The following FGF10 variants were observed in gnomAD, a reference collection of about 807,000 sequenced individuals.
FGF10 encodes fibroblast growth factor 10, also known as FGF-10.
Under a neutral mutation model 19.8 loss-of-function variants are expected in FGF10, and 2 were observed. The observed-to-expected ratio is 0.10, with a 90% confidence interval of 0.04 to 0.32. The LOEUF (loss-of-function observed/expected upper bound fraction) is 0.32, where lower values mean the gene tolerates loss of function less well. Ranked by LOEUF, FGF10 falls within the 10% of genes least tolerant of loss-of-function variation. The probability of loss-of-function intolerance (pLI) is 1.00; values close to 1 mark genes in which losing one functional copy is unlikely to be tolerated. For synonymous variants in FGF10, 112 were observed against 94.0 expected, an observed-to-expected ratio of 1.19 and a Z score of -1.10; for missense variants, 191 against 246.3, an observed-to-expected ratio of 0.78 and a Z score of 1.50.
At chr5:44,367,149 G>A (rs929974995) in intron 1 of FGF10, among the ~76,000 whole-genome samples, 1 of 151,932 alleles carries the variant, frequency 6.6e-6, no homozygotes, top group South Asian at 2.1e-4. Flanking sequence ...CACTATAAAA[G>A]TATTTTTTAA....
At chr5:44,355,786 C>G in intron 1 of FGF10, among the ~76,000 whole-genome samples, 1 of 151,358 alleles carries the variant, frequency 6.6e-6, no homozygotes, top group Non-Finnish European at 1.5e-5. Context: ...TTTAAAGCGT[C>G]ATGATTCAGT....
At chr5:44,388,326 T>C (rs1742156552) in intron 1 of FGF10, 32 bp downstream of exon 1, 4 of 1,601,910 alleles carry the variant, frequency 2.5e-6, no homozygotes, top group Non-Finnish European at 3.4e-6. Context: ...GGTGGATAAT[T>C]GGAAGGAGGG....
At chr5:44,363,321 A>G (rs1421559946) in intron 1 of FGF10, among the ~76,000 whole-genome samples, 1 of 151,836 alleles carries the variant, frequency 6.6e-6, no homozygotes, top group Non-Finnish European at 1.5e-5. Context: ...CTAATTGTGA[A>G]TGACACCTGG....
intron 1 of FGF10, among the ~76,000 whole-genome samples, chr5:44,372,056 G>T (rs534171785): frequency 7.6e-4 from 116 of 152,224 alleles, no homozygotes; most frequent in African/African-American, 2.8e-3. Flanking sequence ...TTACTACAAA[G>T]TTGATGGCTT....
Position 44,311,672 on chromosome 5 carries a change from GTAGTTTT to G in FGF10, c.326-1149_326-1143del, listed in dbSNP as rs560519143. On this transcript the variant is annotated intron_variant, in intron 1 of 2. Transcript: ENST00000264664. ...GTATCTTCTTAATTATCATCAGAGG[GTAGTTTT>G]TCTCCAACAGTGCTAGATTTTGGAA... Among the ~76,000 whole-genome samples, 463 of 152,196 alleles carry G rather than the reference GTAGTTTT, an allele frequency of 3.0e-3. 1 individual carries two copies. The highest frequency in any genetic ancestry group is 5.4e-3 in the Non-Finnish European group (366 of 68,004).
At chr5:44,369,462 C>T (rs1741696138) in intron 1 of FGF10, among the ~76,000 whole-genome samples, 1 of 152,102 alleles carries the variant, frequency 6.6e-6, no homozygotes, top group Admixed American at 6.5e-5. Flanking sequence ...GCATAAATTC[C>T]TGTGGCTTAA....
rs1308211947 is a variant in FGF10 at position 44,349,453 on chromosome 5, T to TCAGA, written c.325+38904_325+38905insTCTG. 6.4e-3 allele frequency among the ~76,000 whole-genome samples: 147 copies of TCAGA among 23,066 alleles called. 3 individuals carry two copies. Among genetic ancestry groups the TCAGA allele is most frequent in the Middle Eastern group, 0.029 (1 of 34 alleles). The allele number at this position is 23,066 out of a possible 152,430, so 15.1% of individuals were successfully genotyped here. A position where few individuals can be genotyped will look rare whatever the true frequency, so the allele number is the denominator to read the frequency against. Reference sequence around the variant, plus strand: ...ATATATATATATATATATATATATATATATATATATATATATCAGAATATA... The same window carrying TCAGA: ...ATATATATATATATATATATATATATCAGAATATATATATATATATCAGAATATA... On this transcript the variant is annotated intron_variant, in intron 1 of 2. Transcript: ENST00000264664.
intron 2 of FGF10, among the ~76,000 whole-genome samples, chr5:44,307,409 A>C (rs187330102): frequency 5.4e-4 from 83 of 152,300 alleles, no homozygotes; most frequent in Admixed American, 4.5e-3. Context: ...TCCTTAAATC[A>C]TGCTCTATGA....
At chr5:44,367,846 T>G (rs1461446279) in intron 1 of FGF10, among the ~76,000 whole-genome samples, 1 of 124,160 alleles carries the variant, frequency 8.1e-6, no homozygotes, top group Non-Finnish European at 1.8e-5. Flanking sequence ...GTATGCTGTT[T>G]TTTTTTTTTT....
At chr5:44,340,759 C>T (rs993059761) in intron 1 of FGF10, among the ~76,000 whole-genome samples, 1 of 150,918 alleles carries the variant, frequency 6.6e-6, no homozygotes, top group African/African-American at 2.4e-5. Flanking sequence ...TAAAATCTAC[C>T]GCCTTTGGTA....
At chr5:44,378,110 C>CCTGT (rs1741906943) in intron 1 of FGF10, among the ~76,000 whole-genome samples, 1 of 152,268 alleles carries the variant, frequency 6.6e-6, no homozygotes, top group Admixed American at 6.5e-5. Context: ...AGCACAGTAG[C>CCTGT]ATCACCAGAA....
At chr5:44,378,538 TCTC>T (rs1218571894) in intron 1 of FGF10, among the ~76,000 whole-genome samples, 1 of 152,072 alleles carries the variant, frequency 6.6e-6, no homozygotes, top group African/African-American at 2.4e-5. Flanking sequence ...TTCACACCAT[TCTC>T]CTGCCTCAGC....
chr5:44,348,897 A>G (rs1023421797), intron 1 of FGF10, among the ~76,000 whole-genome samples: 6 of 151,366 alleles, frequency 4.0e-5, no homozygotes, highest in African/African-American at 1.5e-4. Flanking sequence ...CTAAATGCTC[A>G]ATCTTATGTG....
chr5:44,356,269 G>A (rs1023354373), intron 1 of FGF10, among the ~76,000 whole-genome samples: 3 of 151,342 alleles, frequency 2.0e-5, no homozygotes, highest in South Asian at 2.1e-4. Context: ...AGTTGGGTAT[G>A]TTTCAGTTTA....
chr5:44,388,599 G>A lies in FGF10; in HGVS notation c.84C>T (p.Phe28=). The part of the protein sequence containing the change: ...GCCCCCFLLL[F]LVSSVPVTCQ... Reference sequence around the variant, plus strand: ...AGGTGACAGGGACGGAAGACACCAAGAACAGCAACAAAAAGCAGCAGCAGC... The same window carrying A: ...AGGTGACAGGGACGGAAGACACCAAAAACAGCAACAAAAAGCAGCAGCAGC... The change falls in exon 1 of 3, where the codon TTC becomes TTT. Residue 28 remains phenylalanine (F), a synonymous_variant. Coordinates refer to ENST00000264664, the MANE Select transcript of FGF10 (RefSeq NM_004465.2). 1 of 1,614,160 alleles carries A rather than the reference G, an allele frequency of 6.2e-7. No individual in the cohort carries two copies. The highest frequency in any genetic ancestry group is 8.5e-7 in the Non-Finnish European group (1 of 1,180,030).
intron 1 of FGF10, among the ~76,000 whole-genome samples, chr5:44,346,132 A>G (rs1406427984): frequency 6.6e-6 from 1 of 151,780 alleles, no homozygotes; most frequent in Non-Finnish European, 1.5e-5. Flanking sequence ...TAATCTCAGC[A>G]CAAAACAACA....
intron 1 of FGF10, among the ~76,000 whole-genome samples, chr5:44,368,469 A>G (rs1369979441): frequency 6.6e-6 from 1 of 152,032 alleles, no homozygotes; most frequent in Non-Finnish European, 1.5e-5. Flanking sequence ...ACCCAACCAC[A>G]CTACTTTAGG....
intron 1 of FGF10, among the ~76,000 whole-genome samples, chr5:44,378,213 T>A (rs1741909169): frequency 6.6e-6 from 1 of 152,176 alleles, no homozygotes; most frequent in Non-Finnish European, 1.5e-5. Context: ...GCCCCTGTGT[T>A]TGGACTGTGA....
At chr5:44,384,046 A>G (rs1030662469) in intron 1 of FGF10, among the ~76,000 whole-genome samples, 3 of 152,056 alleles carry the variant, frequency 2.0e-5, no homozygotes, top group African/African-American at 7.2e-5. Context: ...TTTATTTTAA[A>G]ATTTTCTTAA....
Sources: allele counts gnomAD v4.1 joint callset (sites outside exome capture counted in the v4.1 genomes callset), GRCh38; gene constraint gnomAD v4.1.1; transcripts MANE v1.5; gene names NCBI Gene and HGNC (gene_info 2026-07-23, HGNC 2026-07-21).